The following KDM5A variants were observed in gnomAD, a reference collection of about 807,000 sequenced individuals.
KDM5A encodes lysine-specific demethylase 5A.
KDM5A carries 42 observed loss-of-function variants against 193.5 expected under a neutral mutation model. That is an observed-to-expected ratio of 0.22 (90% CI 0.17 to 0.28). KDM5A has a LOEUF of 0.28. Ranked by LOEUF, KDM5A falls within the 10% of genes least tolerant of loss-of-function variation. The probability of loss-of-function intolerance (pLI) is 1.00; values close to 1 mark genes in which losing one functional copy is unlikely to be tolerated. For synonymous variants in KDM5A, 796 were observed against 718.1 expected, an observed-to-expected ratio of 1.11 and a Z score of -1.73; for missense variants, 1,692 against 2,055.1, an observed-to-expected ratio of 0.82 and a Z score of 3.42.
intron 22 of KDM5A, 149 bp from the exon 23 acceptor site, chr12:308,154 A>C: frequency 1.3e-6 from 1 of 773,776 alleles, no homozygotes; most frequent in Non-Finnish European, 2.1e-6. Flanking sequence ...CCATGCAAAC[A>C]TTCCTCAAGT....
chr12:308,558 T>G (rs963671458), intron 22 of KDM5A, among the ~76,000 whole-genome samples: 2 of 152,190 alleles, frequency 1.3e-5, no homozygotes, highest in South Asian at 2.1e-4. Context: ...ATAACAAAAC[T>G]TGACGATCAG....
chr12:292,535 C>T (rs1259087697), intron 27 of KDM5A, among the ~76,000 whole-genome samples: 1 of 152,200 alleles, frequency 6.6e-6, no homozygotes, highest in Non-Finnish European at 1.5e-5. Flanking sequence ...CTGCTCCTGT[C>T]TCATTATGTT....
Position 307,084 on chromosome 12 carries a change from G to T in KDM5A, c.3936C>A (p.His1312Gln). The change falls in exon 24 of 28, where the codon CAC (histidine) becomes CAA (glutamine). Residue 1312 changes from histidine to glutamine, a missense_variant. Physicochemically the swap from His to Gln is conservative, Grantham distance 24. Coordinates refer to ENST00000399788, the MANE Select transcript of KDM5A (RefSeq NM_001042603.3). The surrounding 1 kb of genome is among the most constrained non-coding windows in gnomAD (Gnocchi z 4.3). ...AAGCAGACTGCTGGAAACTAGGTAA[G>T]TGTCCCTAAACAACAAATAATTCCA... ...KAAANPDLQG[H>Q]LPSFQQSAFN... The T allele has an allele frequency of 6.2e-7, 1 of 1,614,164 alleles. No individual in the cohort carries two copies.
intron 27 of KDM5A, among the ~76,000 whole-genome samples, chr12:289,552 C>T (rs1943261916): frequency 6.6e-6 from 1 of 151,524 alleles, no homozygotes. Context: ...TTTAAAAGAG[C>T]ATTTCTCAAA....
In KDM5A at chr12:352,258, A is replaced by G. The variant is rs755360476; in HGVS notation, c.1096T>C (p.Phe366Leu). 3 of 1,612,690 alleles carry G rather than the reference A, an allele frequency of 1.9e-6. No homozygotes were observed. Among genetic ancestry groups the G allele is most frequent in the African/African-American group, 2.7e-5 (2 of 74,894 alleles). ...TTAAAATTATCTGCCATCTCTCCAA[A>G]GCTCTGAAGTGTATACTCTCGTACA... ...QAVREYTLQSFGEMADNFKSD... is the reference protein window; with the variant it reads ...QAVREYTLQSLGEMADNFKSD... The change falls in exon 9 of 28, where the codon TTT becomes CTT. Residue 366 changes from phenylalanine to leucine, a missense_variant. Transcript: ENST00000399788.
rs539998145 is a variant in KDM5A at position 285,060 on chromosome 12, C to T, written c.*396G>A. 2 of 292,348 alleles carry T rather than the reference C, an allele frequency of 6.8e-6. No homozygotes were observed. Among genetic ancestry groups the T allele is most frequent in the African/African-American group, 4.2e-5 (2 of 47,818 alleles). 18.1% of individuals were successfully genotyped at this position (292,348 alleles called of 1,614,324 possible). A position where few individuals can be genotyped will look rare whatever the true frequency, so the allele number is the denominator to read the frequency against. On this transcript the variant is annotated 3_prime_UTR_variant, in exon 28 of 28. Transcript: ENST00000399788. ...TGAAGGAGATCCAAGCAATTAGCAC[C>T]TTCAGTTGGTGCTGCTCCTAAGTTG...
Position 292,868 on chromosome 12 carries a change from TTC to T in KDM5A, c.4755_4756del (p.Lys1587GlyfsTer9), listed in dbSNP as rs750541889. ...CTTTGAGGGGATGTCCAGCACCTTT[TTC>T]TCTCTTTTCTTTTCAGTGCTCTCTT... On this transcript the variant is annotated frameshift_variant, in exon 27 of 28. Transcript: ENST00000399788. LOFTEE classifies it high-confidence loss of function. 3 of 1,614,204 alleles carry T rather than the reference TTC, an allele frequency of 1.9e-6. No homozygotes were observed. Among genetic ancestry groups the T allele is most frequent in the Non-Finnish European group, 2.5e-6 (3 of 1,180,036 alleles).
At chr12:303,697 A>G (rs1164309463) in intron 24 of KDM5A, among the ~76,000 whole-genome samples, 2 of 152,236 alleles carry the variant, frequency 1.3e-5, no homozygotes, top group African/African-American at 4.8e-5. Context: ...TATAGTCTAC[A>G]ACCTATAATA....
At chr12:347,089 T>A (rs1183918990) in intron 10 of KDM5A, among the ~76,000 whole-genome samples, 1 of 152,160 alleles carries the variant, frequency 6.6e-6, no homozygotes, top group South Asian at 2.1e-4. Flanking sequence ...AAAATCAATG[T>A]GCAAAAATCA....
rs952348420 is a variant in KDM5A, at chr12:389,149, T to C, written c.-58A>G. On this transcript the variant is annotated 5_prime_UTR_variant, in exon 1 of 28. Transcript: ENST00000399788. The stretch of plus-strand genomic sequence containing the variant: ...GGGGAACCGGTGGAGAAAAGCTGGC[T>C]GAAGCCCACTAAGCCCGTTCAAGTC... 2.6e-6 allele frequency: 4 copies of C among 1,519,584 alleles called. No individual in the cohort carries two copies. The highest frequency in any genetic ancestry group is 1.4e-5 in the African/African-American group (1 of 72,994). 94.1% of individuals were successfully genotyped at this position (1,519,584 alleles called of 1,614,324 possible).
chr12:348,071 AAAAC>A (rs537185888), intron 10 of KDM5A, among the ~76,000 whole-genome samples: 321 of 152,312 alleles, frequency 2.1e-3, no homozygotes, highest in Non-Finnish European at 2.9e-3. Context: ...TTACAAGAAA[AAAAC>A]AAACAACCCC....
chr12:294,820 T>A (rs1219245373), intron 26 of KDM5A, among the ~76,000 whole-genome samples: 4 of 152,352 alleles, frequency 2.6e-5, no homozygotes, highest in Non-Finnish European at 5.9e-5. Context: ...TCATACTTAC[T>A]TTCTTCATAT....
In KDM5A at chr12:284,638, C is replaced by CTTT; in HGVS notation, c.*815_*817dup. The stretch of plus-strand genomic sequence containing the variant: ...CTGGTCATCATCGTCATCTTCTTCT[C>CTTT]TTTTTTTTTTTGGCAGAAGCCTGGA... On this transcript the variant is annotated 3_prime_UTR_variant, in exon 28 of 28. Transcript: ENST00000399788. 4.9e-6 allele frequency: 1 copy of CTTT among 204,494 alleles called. No homozygotes were observed. The highest frequency in any genetic ancestry group is 2.3e-5 in the African/African-American group (1 of 43,198). 12.7% of individuals were successfully genotyped at this position (204,494 alleles called of 1,614,324 possible). A position where few individuals can be genotyped will look rare whatever the true frequency, so the allele number is the denominator to read the frequency against.
chr12:307,174 T>C lies in KDM5A; in HGVS notation c.3931-85A>G, dbSNP rs1943518362. The C allele has an allele frequency of 6.6e-7, 1 of 1,510,310 alleles. No individual in the cohort carries two copies. Among genetic ancestry groups the C allele is most frequent in the Non-Finnish European group, 9.2e-7 (1 of 1,090,792 alleles). The allele number at this position is 1,510,310 out of a possible 1,614,324, so 93.6% of individuals were successfully genotyped here. A position where few individuals can be genotyped will look rare whatever the true frequency, so the allele number is the denominator to read the frequency against. Reference sequence around the variant, plus strand: ...ATGTGTGCTTAAGATCACCAAAATGTAATGAATAAGCAAAGTGGCTAACAG... The same window carrying C: ...ATGTGTGCTTAAGATCACCAAAATGCAATGAATAAGCAAAGTGGCTAACAG... On this transcript the variant is annotated intron_variant, in intron 23 of 27. Transcript: ENST00000399788. The surrounding 1 kb of genome is among the most constrained non-coding windows in gnomAD (Gnocchi z 4.3).
chr12:350,506 A>C, intron 10 of KDM5A, 115 bp downstream of exon 10: 4 of 982,130 alleles, frequency 4.1e-6, no homozygotes, highest in Non-Finnish European at 6.4e-6. Flanking sequence ...AAGATTATTT[A>C]TACTGCCAAA....
intron 14 of KDM5A, among the ~76,000 whole-genome samples, chr12:328,624 T>G (rs1324782452): frequency 6.6e-6 from 1 of 152,252 alleles, no homozygotes; most frequent in Non-Finnish European, 1.5e-5. Flanking sequence ...CTGATAGGAC[T>G]TGTTTTAAAA....
Position 307,201 on chromosome 12 carries a change from G to C in KDM5A, c.3931-112C>G. The C allele has an allele frequency of 7.9e-7, 1 of 1,261,194 alleles. No individual in the cohort carries two copies. The highest frequency in any genetic ancestry group is 1.1e-6 in the Non-Finnish European group (1 of 874,112). The allele number at this position is 1,261,194 out of a possible 1,614,324, so 78.1% of individuals were successfully genotyped here. A position where few individuals can be genotyped will look rare whatever the true frequency, so the allele number is the denominator to read the frequency against. On this transcript the variant is annotated intron_variant, in intron 23 of 27. Transcript: ENST00000399788. This position sits in a 1 kb window ranked among gnomAD's most constrained non-coding sequence, Gnocchi z 4.3. ...ATGAATAAGCAAAGTGGCTAACAGA[G>C]TTCTTCAACAGTTAGTAGAAATCAA... is the stretch of plus-strand genomic sequence containing the variant.
In KDM5A at chr12:285,678, T is replaced by A; in HGVS notation, c.4867-16A>T. On this transcript the variant is annotated splice_polypyrimidine_tract_variant and intron_variant, in intron 27 of 27. Coordinates refer to ENST00000399788, the MANE Select transcript of KDM5A (RefSeq NM_001042603.3). ...CCCAGTCTACCTGTAGGAAACAAGA[T>A]TGGGGAATGTTTAGGTTACATAAAC... 4 of 1,607,348 alleles carry A rather than the reference T, an allele frequency of 2.5e-6. No homozygotes were observed. Among genetic ancestry groups the A allele is most frequent in the Non-Finnish European group, 3.4e-6 (4 of 1,173,920 alleles).
intron 8 of KDM5A, among the ~76,000 whole-genome samples, chr12:353,716 AC>A (rs1271813808): frequency 6.6e-6 from 1 of 152,026 alleles, no homozygotes; most frequent in African/African-American, 2.4e-5. Flanking sequence ...AGGTCAAGAG[AC>A]CGAGACTATC....
Sources: allele counts gnomAD v4.1 joint callset (sites outside exome capture counted in the v4.1 genomes callset), GRCh38; gene constraint gnomAD v4.1.1; non-coding constraint Gnocchi (gnomAD v3.1); transcripts MANE v1.5; gene names NCBI Gene and HGNC (gene_info 2026-07-23, HGNC 2026-07-21).